The following IL1RAPL2 variants were observed in gnomAD, a reference collection of about 807,000 sequenced individuals.
IL1RAPL2 encodes the protein X-linked interleukin-1 receptor accessory protein-like 2.
Under a neutral mutation model 44.1 loss-of-function variants are expected in IL1RAPL2, and 3 were observed. That is an observed-to-expected ratio of 0.07 (90% CI 0.03 to 0.18). IL1RAPL2 has a LOEUF of 0.18. Ranked by LOEUF, IL1RAPL2 falls within the 10% of genes least tolerant of loss-of-function variation. IL1RAPL2 has a pLI of 1.00. For missense variants in IL1RAPL2, 391 were observed against 496.4 expected, an observed-to-expected ratio of 0.79 and a Z score of 2.02; for synonymous variants, 181 against 178.8, an observed-to-expected ratio of 1.01 and a Z score of -0.10.
At chrX:104,909,357 C>T (rs1373994736) in intron 2 of IL1RAPL2, among the ~76,000 whole-genome samples, 1 of 112,273 alleles carries the variant, frequency 8.9e-6, no homozygotes, top group African/African-American at 3.2e-5. Context: ...CAAAGTCATT[C>T]TCTGTCCAGC....
intron 2 of IL1RAPL2, among the ~76,000 whole-genome samples, chrX:104,877,626 T>G (rs2091665201): frequency 8.9e-6 from 1 of 112,704 alleles, no homozygotes; most frequent in African/African-American, 3.2e-5. Flanking sequence ...CACATGTAAC[T>G]ATTCAAGAGA....
At chrX:105,179,893 C>G (rs1204510947) in intron 2 of IL1RAPL2, among the ~76,000 whole-genome samples, 3 of 109,944 alleles carry the variant, frequency 2.7e-5, no homozygotes, top group Non-Finnish European at 5.7e-5. Context: ...TTAGTGGAGT[C>G]TTTAGGTTTT....
intron 6 of IL1RAPL2, among the ~76,000 whole-genome samples, chrX:105,649,350 A>G (rs2037627316): frequency 9.0e-6 from 1 of 111,146 alleles, no homozygotes; most frequent in African/African-American, 3.3e-5. Context: ...CACAGGCAAT[A>G]AAAGATCCTA....
intron 2 of IL1RAPL2, among the ~76,000 whole-genome samples, chrX:104,880,265 A>G (rs751996330): frequency 5.9e-4 from 65 of 111,026 alleles, no homozygotes; most frequent in Middle Eastern, 4.6e-3. Flanking sequence ...CTCCCATGGC[A>G]AACTACTGAG....
chrX:104,754,080 T>C lies in IL1RAPL2; in HGVS notation c.82+95085T>C, dbSNP rs565198017. Among the ~76,000 whole-genome samples, 25 of 111,589 alleles carry C rather than the reference T, an allele frequency of 2.2e-4. No homozygotes were observed. In the South Asian group the frequency reaches 8.9e-3, roughly 40 times the overall value. On this transcript the variant is annotated intron_variant, in intron 2 of 10. Transcript: ENST00000372582. ...GGAAAGTTAAATGACTTGCTCAAGG[T>C]CCAAAAGAAAGTCAGCAGCAGGGCA...
intron 2 of IL1RAPL2, among the ~76,000 whole-genome samples, chrX:104,662,141 T>G (rs757957289): frequency 6.2e-5 from 7 of 112,005 alleles, no homozygotes; most frequent in Admixed American, 1.9e-4. Flanking sequence ...GAGGTTGGTT[T>G]GTTTGTTTTA....
At chrX:105,757,152 T>C (rs1031772696) in intron 10 of IL1RAPL2, among the ~76,000 whole-genome samples, 1 of 111,888 alleles carries the variant, frequency 8.9e-6, no homozygotes, top group African/African-American at 3.2e-5. Flanking sequence ...CCTCTACTCA[T>C]ACTTTCCACT....
chrX:104,713,633 T>C (rs924081554), intron 2 of IL1RAPL2, among the ~76,000 whole-genome samples: 2 of 111,027 alleles, frequency 1.8e-5, no homozygotes, highest in African/African-American at 6.5e-5. Context: ...ATATGTGTAA[T>C]AAATTACTTC....
At chrX:105,544,760 TTCCTCTTTCTTTC>T (rs1481916569) in intron 6 of IL1RAPL2, among the ~76,000 whole-genome samples, 1 of 111,746 alleles carries the variant, frequency 8.9e-6, no homozygotes, top group Non-Finnish European at 1.9e-5. Flanking sequence ...ATATGTCTCC[TTCCTCTTTCTTTC>T]TTTCTTTTTT....
At chrX:105,405,306 T>A (rs2035635159) in intron 5 of IL1RAPL2, among the ~76,000 whole-genome samples, 1 of 111,881 alleles carries the variant, frequency 8.9e-6, no homozygotes, top group Admixed American at 9.5e-5. Context: ...TTTGGTAACA[T>A]AAGATTAACA....
At chrX:104,960,004 T>C (rs1163432687) in intron 2 of IL1RAPL2, among the ~76,000 whole-genome samples, 1 of 112,176 alleles carries the variant, frequency 8.9e-6, no homozygotes, top group African/African-American at 3.2e-5. Context: ...GTTCTTTTTC[T>C]CATTATTATT....
chrX:104,702,373 A>T (rs775276832), intron 2 of IL1RAPL2, among the ~76,000 whole-genome samples: 7 of 111,967 alleles, frequency 6.3e-5, no homozygotes, highest in Non-Finnish European at 1.1e-4. Context: ...TAGAATACTC[A>T]TTGAATATGG....
At chrX:105,024,910 T>C (rs1458034709) in intron 2 of IL1RAPL2, among the ~76,000 whole-genome samples, 1 of 108,419 alleles carries the variant, frequency 9.2e-6, no homozygotes, top group African/African-American at 3.5e-5. Context: ...CAATTTTCTT[T>C]TGTTTTCTTG....
intron 6 of IL1RAPL2, among the ~76,000 whole-genome samples, chrX:105,567,894 A>T (rs780475132): frequency 9.0e-6 from 1 of 111,365 alleles, no homozygotes; most frequent in African/African-American, 3.3e-5. Context: ...TCTTCAAAGG[A>T]ATATAAAGCC....
intron 2 of IL1RAPL2, among the ~76,000 whole-genome samples, chrX:104,912,759 G>A (rs1924284476): frequency 9.0e-6 from 1 of 111,370 alleles, no homozygotes; most frequent in Non-Finnish European, 1.9e-5. Context: ...TCACCATGAT[G>A]CAAAGTACTT....
intron 2 of IL1RAPL2, among the ~76,000 whole-genome samples, chrX:104,848,674 T>C (rs1163882058): frequency 2.8e-5 from 3 of 108,567 alleles, no homozygotes; most frequent in African/African-American, 9.9e-5. Flanking sequence ...TAACTTTTAG[T>C]AACCTTAATT....
At chrX:104,891,739 A>G (rs746920166) in intron 2 of IL1RAPL2, among the ~76,000 whole-genome samples, 6 of 111,828 alleles carry the variant, frequency 5.4e-5, no homozygotes, top group Non-Finnish European at 9.4e-5. Context: ...ATCATCTGCA[A>G]ACAAGAACAA....
intron 2 of IL1RAPL2, among the ~76,000 whole-genome samples, chrX:104,917,828 TA>T (rs1490538925): frequency 7.2e-5 from 8 of 111,693 alleles, no homozygotes; most frequent in African/African-American, 2.6e-4. Context: ...ACCTGGATAT[TA>T]AGAGTTTCGG....
At chrX:105,746,614 C>T (rs1241346077) in intron 8 of IL1RAPL2, among the ~76,000 whole-genome samples, 1 of 111,734 alleles carries the variant, frequency 8.9e-6, no homozygotes, top group Non-Finnish European at 1.9e-5. Flanking sequence ...CTTTCAAAGA[C>T]ATTTTTATAA....
Sources: gnomAD v4.1 joint callset for allele counts (sites outside exome capture counted in the v4.1 genomes callset) on GRCh38, gnomAD v4.1.1 for gene constraint, MANE v1.5 for transcripts, NCBI Gene and HGNC (gene_info 2026-07-23, HGNC 2026-07-21) for gene names.